SYNRG: variants seen among roughly 807,000 people sequenced by gnomAD.
The protein encoded by SYNRG is AP1 gamma subunit binding protein 1.
Under a neutral mutation model 130.9 loss-of-function variants are expected in SYNRG, and 37 were observed. That is an observed-to-expected ratio of 0.28 (90% CI 0.22 to 0.37). The LOEUF (loss-of-function observed/expected upper bound fraction) is 0.37. SYNRG is among the 10% of genes least tolerant of loss of function. The probability of loss-of-function intolerance (pLI) is 1.00; values close to 1 mark genes in which losing one functional copy is unlikely to be tolerated. For missense variants in SYNRG, 1,338 were observed against 1,588.9 expected (o/e 0.84, Z 2.68); for synonymous variants, 539 against 568.1 (o/e 0.95, Z 0.73).
At chr17:37,582,224 C>T (rs1215773712) in intron 6 of SYNRG, among the ~76,000 whole-genome samples, 3 of 151,986 alleles carry the variant, frequency 2.0e-5, no homozygotes, top group African/African-American at 7.2e-5. Flanking sequence ...CTTCTTTCCT[C>T]TCTTTAGGAT....
At chr17:37,584,593 G>A (rs1179748159) in intron 6 of SYNRG, 55 bp downstream of exon 6, 5 of 1,377,680 alleles carry the variant, frequency 3.6e-6, no homozygotes, top group Non-Finnish European at 3.1e-6. Flanking sequence ...AAAGAAACAG[G>A]GACTACATAA....
chr17:37,550,842 A>G (rs976693601), intron 14 of SYNRG, among the ~76,000 whole-genome samples: 1 of 152,214 alleles, frequency 6.6e-6, no homozygotes, highest in African/African-American at 2.4e-5. Flanking sequence ...TGCTGCCAAT[A>G]AAACCATATG....
rs2054387704 is a variant in SYNRG, at chr17:37,515,851, A to G, written c.*3089T>C. On this transcript the variant is annotated 3_prime_UTR_variant, in exon 22 of 22. Coordinates refer to ENST00000612223, the MANE Select transcript of SYNRG (RefSeq NM_007247.6). ...TATAATCTTTGCAAAGCTGAAGTAC[A>G]CTTGAAATAGGCAAACAGAAGACAC... 1 of 152,216 alleles carries G rather than the reference A, an allele frequency of 6.6e-6. No homozygotes were observed. The highest frequency in any genetic ancestry group is 2.1e-4 in the South Asian group (1 of 4,822). The allele number at this position is 152,216 out of a possible 1,614,324, so 9.4% of individuals were successfully genotyped here.
intron 16 of SYNRG, 24 bp downstream of exon 16, chr17:37,540,356 C>G (rs1335132935): frequency 6.2e-7 from 1 of 1,611,502 alleles, no homozygotes; most frequent in Non-Finnish European, 8.5e-7. Flanking sequence ...GTTACCCACC[C>G]CTTGTAGAAA....
chr17:37,553,426 T>C lies in SYNRG; in HGVS notation c.2297A>G (p.Asn766Ser). Reference protein sequence around the residue: ...SGLGVEDLKDNTPSGKSDDDF... With the variant: ...SGLGVEDLKDSTPSGKSDDDF... ...ATCATCACTTTTTCCTGAAGGAGTG[T>C]TATCTTTCAGGTCTTCAACACCTAG... The change falls in exon 14 of 22, where the codon AAC becomes AGC. Residue 766 changes from asparagine (N) to serine (S), a missense_variant. Transcript: ENST00000612223. 1 of 1,614,174 alleles carries C rather than the reference T, an allele frequency of 6.2e-7. No homozygotes were observed. Among genetic ancestry groups the C allele is most frequent in the South Asian group, 1.1e-5 (1 of 91,078 alleles).
intron 1 of SYNRG, chr17:37,601,093 G>A (rs1274142160): frequency 1.3e-5 from 2 of 152,432 alleles, no homozygotes; most frequent in African/African-American, 4.8e-5. Context: ...GTGAGATGGA[G>A]TTTCGCTCTT....
chr17:37,561,050 T>C (rs1169879659), intron 13 of SYNRG, 145 bp downstream of exon 13: 2 of 695,444 alleles, frequency 2.9e-6, no homozygotes, highest in African/African-American at 3.6e-5. Context: ...CTATACCATA[T>C]TGTTTTGTCC....
intron 6 of SYNRG, among the ~76,000 whole-genome samples, chr17:37,581,538 A>G (rs1256626663): frequency 6.6e-6 from 1 of 152,066 alleles, no homozygotes; most frequent in Non-Finnish European, 1.5e-5. Context: ...TTGGTCTCCC[A>G]AAGTGTTGGG....
At chr17:37,529,770 G>T (rs1205884340) in intron 19 of SYNRG, 19 of 1,550,592 alleles carry the variant, frequency 1.2e-5, no homozygotes, top group Non-Finnish European at 1.7e-5. Flanking sequence ...AGTACGCCTG[G>T]TCTCTGTGAT....
rs557480941 is a variant in SYNRG at position 37,525,763 on chromosome 17, G to A, written c.3667-5115C>T. On this transcript the variant is annotated intron_variant, in intron 19 of 21. Transcript: ENST00000612223. Reference sequence around the variant, plus strand: ...CGGGCGGATCACGAGGTCAGGCTTTGGAGACCAGCCTGGCCAACATGGTGA... The same window carrying A: ...CGGGCGGATCACGAGGTCAGGCTTTAGAGACCAGCCTGGCCAACATGGTGA... Among the ~76,000 whole-genome samples, 1,056 of 152,186 alleles carry A rather than the reference G, an allele frequency of 6.9e-3. 14 individuals are homozygous for A. The highest frequency in any genetic ancestry group is 0.024 in the African/African-American group (1,005 of 41,520).
At chr17:37,538,955 T>C in intron 17 of SYNRG, 10 of 807,504 alleles carry the variant, frequency 1.2e-5, no homozygotes, top group Non-Finnish European at 1.5e-5. Flanking sequence ...AATCACTTTG[T>C]TATTTCTTAA....
chr17:37,586,521 G>A lies in SYNRG; in HGVS notation c.269C>T (p.Ala90Val). The A allele has an allele frequency of 1.9e-6, 3 of 1,614,172 alleles. No homozygotes were observed. Among genetic ancestry groups the A allele is most frequent in the Non-Finnish European group, 2.5e-6 (3 of 1,180,028 alleles). Residue 90 changes from alanine to valine, a missense_variant, in exon 4 of 22, where the codon GCA becomes GTA. Coordinates refer to ENST00000612223, the MANE Select transcript of SYNRG (RefSeq NM_007247.6). ...QAGIPMGPMPAAGMPYLGQAP... is the reference protein window; with the variant it reads ...QAGIPMGPMPVAGMPYLGQAP... The stretch of plus-strand genomic sequence containing the variant: ...TTGTCCTAGGTAAGGCATTCCCGCT[G>A]CTGGCATTGGTCCCATTGGTATTCC...
chr17:37,589,526 G>A lies in SYNRG; in HGVS notation c.241-2977C>T, dbSNP rs1287587450. 8.0e-5 allele frequency among the ~76,000 whole-genome samples: 12 copies of A among 150,292 alleles called. 1 individual carries two copies. In the East Asian group the frequency reaches 1.2e-3, roughly 15 times the overall value. On this transcript the variant is annotated intron_variant, in intron 3 of 21. Coordinates refer to ENST00000612223, the MANE Select transcript of SYNRG (RefSeq NM_007247.6). ...AGCACTTTGGGAGGCCGAGGTGGGC[G>A]GATCACCAGGTCAGGAGATCAAGAC...
chr17:37,568,870 C>G lies in SYNRG; in HGVS notation c.1402G>C (p.Gly468Arg). ...TCACTGAATGAGTCATCAAGGGATC[C>G]TGACTTAGAAGCATCTTGAAAATCC... is the stretch of plus-strand genomic sequence containing the variant. ...FQDFQDASKS[G>R]SLDDSFSDFQ... The change falls in exon 11 of 22, where the codon GGA becomes CGA. Residue 468 changes from glycine to arginine, a missense_variant. Gly to Arg is a moderately radical substitution (Grantham distance 125). Transcript: ENST00000612223. 1.5e-5 allele frequency: 24 copies of G among 1,614,056 alleles called. No homozygotes were observed. The highest frequency in any genetic ancestry group is 1.9e-5 in the Non-Finnish European group (22 of 1,179,944).
intron 3 of SYNRG, 147 bp downstream of exon 3, chr17:37,596,076 T>C: frequency 1.1e-6 from 1 of 908,370 alleles, no homozygotes; most frequent in Non-Finnish European, 1.6e-6. Flanking sequence ...TCTTGGAGGG[T>C]GAACACATCT....
chr17:37,605,286 A>T (rs1196366783), intron 1 of SYNRG, among the ~76,000 whole-genome samples: 6 of 152,264 alleles, frequency 3.9e-5, no homozygotes, highest in Non-Finnish European at 7.3e-5. Context: ...CAAGATTTTT[A>T]AAAATCAGGC....
chr17:37,520,661 C>G lies in SYNRG; in HGVS notation c.3667-13G>C. 1 of 1,610,068 alleles carries G rather than the reference C, an allele frequency of 6.2e-7. No homozygotes were observed. Among genetic ancestry groups the G allele is most frequent in the Non-Finnish European group, 8.5e-7 (1 of 1,176,288 alleles). On this transcript the variant is annotated splice_polypyrimidine_tract_variant and intron_variant, in intron 19 of 21. Coordinates refer to ENST00000612223, the MANE Select transcript of SYNRG (RefSeq NM_007247.6). ...AGTTTTCATCTGGCTGTGAGGACGA[C>G]AAGACAAATGGGTAAGAAGTCCACA... is the stretch of plus-strand genomic sequence containing the variant.
chr17:37,553,785 T>C lies in SYNRG; in HGVS notation c.1938A>G (p.Pro646=), dbSNP rs1165596676. ...TAGTAGCAGCAGAACCTGTTGACTG[T>C]GGTGTAGAAACTGATTTTGATGTGC... ...VFSTSKSVST[P]QSTGSAATMT... is the part of the protein sequence containing the mutation. The change falls in exon 14 of 22, where the codon CCA becomes CCG. Residue 646 remains proline (P), a synonymous_variant. Coordinates refer to ENST00000612223, the MANE Select transcript of SYNRG (RefSeq NM_007247.6). 1.9e-6 allele frequency: 3 copies of C among 1,612,330 alleles called. No homozygotes were observed. In the African/African-American group the frequency reaches 4.0e-5, roughly 22 times the overall value.
chr17:37,597,863 A>G (rs116707548), intron 2 of SYNRG, among the ~76,000 whole-genome samples: 1,804 of 152,340 alleles, frequency 0.012, 30 homozygotes, highest in African/African-American at 0.04. Context: ...AACTACATCT[A>G]TGTTGGTTCT....
Sources: allele counts gnomAD v4.1 joint callset (sites outside exome capture counted in the v4.1 genomes callset), GRCh38; gene constraint gnomAD v4.1.1; transcripts MANE v1.5; gene names NCBI Gene and HGNC (gene_info 2026-07-23, HGNC 2026-07-21).